Variants in AGMO observed in about 807,000 individuals in gnomAD.
AGMO encodes glyceryl-ether monooxygenase.
AGMO carries 75 observed loss-of-function variants against 60.2 expected under a neutral mutation model. That is an observed-to-expected ratio of 1.25 (90% CI 1.03 to 1.51). AGMO has a LOEUF of 1.51. Ranked by LOEUF, AGMO falls within the 40% of genes most tolerant of loss-of-function variation. The probability of loss-of-function intolerance (pLI) is 0.00; values close to 1 mark genes in which losing one functional copy is unlikely to be tolerated. For missense variants in AGMO, 763 were observed against 525.5 expected (o/e 1.45, Z -4.42); for synonymous variants, 261 against 177.1 (o/e 1.47, Z -3.76).
intron 12 of AGMO, among the ~76,000 whole-genome samples, chr7:15,354,583 C>T (rs1260824363): frequency 8.0e-6 from 1 of 124,496 alleles, no homozygotes; most frequent in African/African-American, 2.8e-5. Flanking sequence ...TTGTTAATTG[C>T]ATGTGATGGA....
chr7:15,251,369 A>G (rs1487208136), intron 12 of AGMO, among the ~76,000 whole-genome samples: 11 of 152,212 alleles, frequency 7.2e-5, no homozygotes, highest in African/African-American at 2.4e-4. Context: ...TTAAAACAAG[A>G]TAACTTAATG....
chr7:15,504,636 A>ATGTTGCCTTAAAAATTAAG (rs1783464994), intron 3 of AGMO, among the ~76,000 whole-genome samples: 1 of 151,994 alleles, frequency 6.6e-6, no homozygotes, highest in African/African-American at 2.4e-5. Flanking sequence ...ACCTCAGTTA[A>ATGTTGCCTTAAAAATTAAG]TGTTGCCTTA....
chr7:15,425,595 C>T (rs2128496510), intron 4 of AGMO, among the ~76,000 whole-genome samples: 1 of 152,050 alleles, frequency 6.6e-6, no homozygotes, highest in South Asian at 2.1e-4. Flanking sequence ...TGCACCACCA[C>T]ACCCGACTAA....
the AGMO span, among the ~76,000 whole-genome samples, chr7:15,181,290 A>G: frequency 3.0e-4 from 45 of 152,184 alleles, no homozygotes; most frequent in Non-Finnish European, 5.1e-4. Flanking sequence ...GGTCTTTCAC[A>G]TAAAATTTCA....
At chr7:15,270,635 T>TTTTTTG (rs1563063233) in intron 12 of AGMO, among the ~76,000 whole-genome samples, 2 of 116,300 alleles carry the variant, frequency 1.7e-5, no homozygotes, top group African/African-American at 6.8e-5. Context: ...TTTTTTTTTT[T>TTTTTTG]TTGCTGTGCA....
At chr7:15,412,684 T>TAA (rs765917941) in intron 5 of AGMO, among the ~76,000 whole-genome samples, 1,562 of 111,284 alleles carry the variant, frequency 0.014, 38 homozygotes, top group African/African-American at 0.052. Flanking sequence ...TTTCATTATT[T>TAA]AAAAAAAAAA....
intron 5 of AGMO, among the ~76,000 whole-genome samples, chr7:15,402,323 C>G (rs1380132876): frequency 6.6e-6 from 1 of 151,540 alleles, no homozygotes; most frequent in East Asian, 1.9e-4. Context: ...TCTCTCTCTT[C>G]TTCTTCTCTT....
At chr7:15,487,904 C>A (rs997915649) in intron 3 of AGMO, among the ~76,000 whole-genome samples, 5 of 152,090 alleles carry the variant, frequency 3.3e-5, no homozygotes, top group African/African-American at 1.2e-4. Context: ...ACTGCTAATA[C>A]TACATCATCT....
At chr7:15,194,908 C>CA in the AGMO span, among the ~76,000 whole-genome samples, 4 of 152,236 alleles carry the variant, frequency 2.6e-5, no homozygotes, top group South Asian at 2.1e-4. Context: ...ATTTTACCAG[C>CA]AAGTTAAAAT....
intron 12 of AGMO, among the ~76,000 whole-genome samples, chr7:15,323,848 C>T (rs1226763681): frequency 6.6e-6 from 1 of 152,134 alleles, no homozygotes; most frequent in Non-Finnish European, 1.5e-5. Context: ...CGAGATGTTG[C>T]CAAATCTGTG....
intron 12 of AGMO, among the ~76,000 whole-genome samples, chr7:15,290,327 A>G (rs1784226742): frequency 6.6e-6 from 1 of 152,084 alleles, no homozygotes; most frequent in Non-Finnish European, 1.5e-5. Context: ...GCGCCTGGCC[A>G]AAGATCTCTT....
intron 3 of AGMO, among the ~76,000 whole-genome samples, chr7:15,446,599 T>C (rs1225611178): frequency 1.3e-5 from 2 of 152,220 alleles, no homozygotes; most frequent in Non-Finnish European, 2.9e-5. Context: ...TCAAATGCTA[T>C]GCCATACATA....
intron 12 of AGMO, among the ~76,000 whole-genome samples, chr7:15,212,207 A>T (rs1563037214): frequency 6.6e-6 from 1 of 151,022 alleles, no homozygotes; most frequent in African/African-American, 2.4e-5. Flanking sequence ...TAAATACATT[A>T]TTCTATCCAT....
chr7:15,179,817 G>A, the AGMO span, among the ~76,000 whole-genome samples: 2 of 152,144 alleles, frequency 1.3e-5, no homozygotes, highest in East Asian at 3.9e-4. Flanking sequence ...CATTCTGTAA[G>A]CTTGCAGAAT....
At chr7:15,466,067 C>G (rs1217960026) in intron 3 of AGMO, among the ~76,000 whole-genome samples, 1 of 152,028 alleles carries the variant, frequency 6.6e-6, no homozygotes, top group Admixed American at 6.6e-5. Flanking sequence ...AAATCTTGGT[C>G]CTTAGGGATC....
At chr7:15,448,818 G>T (rs1398147815) in intron 3 of AGMO, among the ~76,000 whole-genome samples, 1 of 152,136 alleles carries the variant, frequency 6.6e-6, no homozygotes, top group Non-Finnish European at 1.5e-5. Context: ...AGAGATAAAA[G>T]ATAACATAAA....
chr7:15,308,160 A>C (rs1460907478), intron 12 of AGMO, among the ~76,000 whole-genome samples: 1 of 152,114 alleles, frequency 6.6e-6, no homozygotes, highest in East Asian at 1.9e-4. Context: ...TGTCTGTTCT[A>C]ATTTCAGAAT....
At chr7:15,318,287 A>G (rs1391944953) in intron 12 of AGMO, among the ~76,000 whole-genome samples, 1 of 152,074 alleles carries the variant, frequency 6.6e-6, no homozygotes, top group Non-Finnish European at 1.5e-5. Flanking sequence ...TACAGGCGAG[A>G]ATCACTGTGC....
chr7:15,322,595 TATATATAAATATATATAA>T (rs1380346979), intron 12 of AGMO, among the ~76,000 whole-genome samples: 1 of 44,658 alleles, frequency 2.2e-5, no homozygotes, highest in African/African-American at 1.3e-4. Context: ...AATATATAAA[TATATATAAATATATATAA>T]ATATATAAAT....
Sources: allele counts gnomAD v4.1 joint callset (sites outside exome capture counted in the v4.1 genomes callset), GRCh38; gene constraint gnomAD v4.1.1; transcripts MANE v1.5; gene names NCBI Gene and HGNC (gene_info 2026-07-23, HGNC 2026-07-21).